Variants in PHLDB2 observed in about 807,000 individuals in gnomAD.
PHLDB2 encodes pleckstrin homology-like domain family B member 2.
A neutral mutation model predicts 123.6 loss-of-function variants in PHLDB2; 71 were observed. The ratio of observed to expected loss-of-function variants is 0.57; its 90% CI spans 0.47 to 0.70. The LOEUF (loss-of-function observed/expected upper bound fraction) is 0.70. PHLDB2 is among the 30% of genes least tolerant of loss of function. The pLI is 0.00. For synonymous variants in PHLDB2, 547 were observed against 541.6 expected, an observed-to-expected ratio of 1.01 and a Z score of -0.14; for missense variants, 1,446 against 1,519.5, an observed-to-expected ratio of 0.95 and a Z score of 0.80.
chr3:111,835,894 T>C (rs1576819878), intron 1 of PHLDB2, among the ~76,000 whole-genome samples: 1 of 152,262 alleles, frequency 6.6e-6, no homozygotes, highest in East Asian at 1.9e-4. Flanking sequence ...CTTTTAGAGC[T>C]TAGCCTTGAA....
chr3:111,798,168 T>C (rs1281893029), intron 1 of PHLDB2, among the ~76,000 whole-genome samples: 1 of 151,782 alleles, frequency 6.6e-6, no homozygotes, highest in African/African-American at 2.4e-5. Flanking sequence ...GAAAAACAAT[T>C]GTAGAGGAAT....
chr3:111,958,649 T>C, intron 12 of PHLDB2: 1 of 450,596 alleles, frequency 2.2e-6, no homozygotes, highest in Non-Finnish European at 4.4e-6. Flanking sequence ...GGTCTTGCTT[T>C]ATACACCTTA....
intron 12 of PHLDB2, 169 bp from the exon 13 acceptor site, chr3:111,961,939 G>A (rs1027038808): frequency 3.1e-6 from 2 of 648,542 alleles, no homozygotes; most frequent in Non-Finnish European, 5.3e-6. Context: ...ACTGTTGCTT[G>A]CACTGAGCAC....
At chr3:111,962,360 T>G in intron 13 of PHLDB2, 48 bp downstream of exon 13, 5 of 1,551,954 alleles carry the variant, frequency 3.2e-6, no homozygotes, top group Non-Finnish European at 4.4e-6. Context: ...AAGAGCCTAC[T>G]GCTCACAAAA....
At chr3:111,969,044 C>A (rs939538254) in intron 15 of PHLDB2, among the ~76,000 whole-genome samples, 13 of 152,166 alleles carry the variant, frequency 8.5e-5, no homozygotes, top group African/African-American at 3.1e-4. Flanking sequence ...CCATCAGTAA[C>A]ATAAAAGACA....
At chr3:111,879,272 A>C (rs1276148419) in intron 1 of PHLDB2, among the ~76,000 whole-genome samples, 2 of 152,124 alleles carry the variant, frequency 1.3e-5, no homozygotes, top group Non-Finnish European at 2.9e-5. Context: ...TTCTTGGTTT[A>C]GTCTTAGGAG....
intron 1 of PHLDB2, among the ~76,000 whole-genome samples, chr3:111,876,794 C>T (rs1341168593): frequency 6.6e-6 from 1 of 152,116 alleles, no homozygotes; most frequent in African/African-American, 2.4e-5. Flanking sequence ...TTGATCAACT[C>T]CCACTTATGA....
At chr3:111,855,482 CCTTCTTTG>C (rs2064444588), upstream of PHLDB2, among the ~76,000 whole-genome samples, 1 of 125,732 alleles carries the variant, frequency 8.0e-6, no homozygotes, top group South Asian at 3.2e-4. Context: ...TTCCTTCCTC[CCTTCTTTG>C]CTTCCTTCCT....
intron 1 of PHLDB2, among the ~76,000 whole-genome samples, chr3:111,807,388 G>A (rs1300130599): frequency 6.6e-6 from 1 of 152,064 alleles, no homozygotes; most frequent in East Asian, 1.9e-4. Context: ...CTGAAGATTA[G>A]GGTTTAAACA....
chr3:111,883,920 C>A, intron 1 of PHLDB2, 144 bp from the exon 2 acceptor site: 1 of 715,634 alleles, frequency 1.4e-6, no homozygotes, highest in Non-Finnish European at 2.3e-6. Flanking sequence ...ATGGTTTTAA[C>A]AGGTTTTTTA....
chr3:111,957,912 AAG>A (rs1432636972), intron 12 of PHLDB2: 1 of 152,234 alleles, frequency 6.6e-6, no homozygotes, highest in Non-Finnish European at 1.5e-5. Context: ...TGTTTGGAAA[AAG>A]AATTGTTTGA....
intron 1 of PHLDB2, among the ~76,000 whole-genome samples, chr3:111,764,939 C>T (rs963962870): frequency 1.3e-5 from 2 of 152,152 alleles, no homozygotes; most frequent in Non-Finnish European, 1.5e-5. Context: ...AATACCCAAG[C>T]GACATCACCA....
At chr3:111,905,734 G>A (rs74797920) in intron 2 of PHLDB2, among the ~76,000 whole-genome samples, 4,233 of 152,194 alleles carry the variant, frequency 0.028, 126 homozygotes, top group South Asian at 0.12. Context: ...CTGTAGGTTT[G>A]TTTATATCAG....
intron 2 of PHLDB2, among the ~76,000 whole-genome samples, chr3:111,887,359 G>A (rs937902498): frequency 6.6e-6 from 1 of 152,120 alleles, no homozygotes; most frequent in African/African-American, 2.4e-5. Context: ...TTTTAAATTT[G>A]ACACTCTAGA....
Position 111,919,139 on chromosome 3 carries a change from T to C in PHLDB2, c.1787T>C (p.Val596Ala). ...GCTGCAATGGAAGAAACCCGGATAG[T>C]CATTCTGAACAACCTCGAGGAACTT... ...ELAAMEETRI[V>A]ILNNLEELKQ... The change falls in exon 4 of 18, where the codon GTC becomes GCC. Residue 596 changes from valine to alanine, a missense_variant. Physicochemically the swap from Val to Ala is moderately conservative, Grantham distance 64. Coordinates refer to ENST00000431670, the MANE Select transcript of PHLDB2 (RefSeq NM_001134438.2). 6.2e-7 allele frequency: 1 copy of C among 1,614,004 alleles called. No individual in the cohort carries two copies. The highest frequency in any genetic ancestry group is 1.1e-5 in the South Asian group (1 of 91,080).
At chr3:111,915,757 T>G (rs900330266) in intron 3 of PHLDB2, 4 of 152,206 alleles carry the variant, frequency 2.6e-5, no homozygotes, top group Admixed American at 2.6e-4. Flanking sequence ...ATAGTGACCA[T>G]GTTTACCTTA....
intron 1 of PHLDB2, among the ~76,000 whole-genome samples, chr3:111,869,427 A>G (rs988093356): frequency 6.6e-6 from 1 of 151,736 alleles, no homozygotes; most frequent in Non-Finnish European, 1.5e-5. Context: ...TCTTTTAGGT[A>G]TCTTTAGAAT....
chr3:111,792,468 G>A (rs779161088), intron 1 of PHLDB2, among the ~76,000 whole-genome samples: 1 of 152,124 alleles, frequency 6.6e-6, no homozygotes, highest in Non-Finnish European at 1.5e-5. Flanking sequence ...CACTTTGGGA[G>A]GCCAAGGTGG....
At chr3:111,966,510 TGTGTGTGTGTGTCTGGG>T (rs1185534645) in intron 13 of PHLDB2, 86 bp from the exon 14 acceptor site, 9 of 553,778 alleles carry the variant, frequency 1.6e-5, no homozygotes, top group Admixed American at 3.6e-5. Context: ...CATGTGTGTG[TGTGTGTGTGTGTCTGGG>T]GTGTGTGTGT....
Sources: gnomAD v4.1 joint callset for allele counts (sites outside exome capture counted in the v4.1 genomes callset) on GRCh38, gnomAD v4.1.1 for gene constraint, MANE v1.5 for transcripts, NCBI Gene and HGNC (gene_info 2026-07-23, HGNC 2026-07-21) for gene names.